The following ZBTB16 variants were observed in gnomAD, a reference collection of about 807,000 sequenced individuals.
ZBTB16 encodes the protein zinc finger and BTB domain containing 16, also known as zinc finger and BTB domain-containing protein 16.
ZBTB16 carries 8 observed loss-of-function variants against 56.8 expected under a neutral mutation model. The ratio of observed to expected loss-of-function variants is 0.14; its 90% CI spans 0.08 to 0.25. The LOEUF is 0.25. ZBTB16 is among the 10% of genes least tolerant of loss of function. The pLI, the probability that ZBTB16 is intolerant of heterozygous loss-of-function variation, is 1.00. For missense variants in ZBTB16, 625 were observed against 903.0 expected (o/e 0.69, Z 3.95); for synonymous variants, 363 against 368.5 (o/e 0.98, Z 0.17).
intron 4 of ZBTB16, among the ~76,000 whole-genome samples, chr11:114,239,093 A>C (rs1427942347): frequency 6.6e-6 from 1 of 152,126 alleles, no homozygotes; most frequent in Non-Finnish European, 1.5e-5. Flanking sequence ...CACCCTGAGA[A>C]GTAGGGACAG....
intron 2 of ZBTB16, among the ~76,000 whole-genome samples, chr11:114,099,727 C>T (rs907171838): frequency 1.3e-5 from 2 of 152,212 alleles, no homozygotes; most frequent in African/African-American, 2.4e-5. Flanking sequence ...AGGTCTTCTT[C>T]ACGTGGCCTT....
chr11:114,112,724 C>T (rs1565631644), intron 2 of ZBTB16, among the ~76,000 whole-genome samples: 1 of 151,678 alleles, frequency 6.6e-6, no homozygotes, highest in East Asian at 1.9e-4. Flanking sequence ...AATGTAGGCT[C>T]CATAAAGCCA....
At chr11:114,232,276 G>C (rs1944454525) in intron 4 of ZBTB16, among the ~76,000 whole-genome samples, 1 of 152,110 alleles carries the variant, frequency 6.6e-6, no homozygotes, top group Non-Finnish European at 1.5e-5. Context: ...TGTAGCTTTT[G>C]GTTTATTTGC....
chr11:114,229,162 C>T (rs900924903), intron 4 of ZBTB16, among the ~76,000 whole-genome samples: 19 of 152,208 alleles, frequency 1.2e-4, no homozygotes, highest in Admixed American at 2.0e-4. Flanking sequence ...TGCGAGTGGC[C>T]TGAAGCCTCT....
At chr11:114,112,760 C>CTTTTTT (rs398017637) in intron 2 of ZBTB16, among the ~76,000 whole-genome samples, 2 of 133,134 alleles carry the variant, frequency 1.5e-5, no homozygotes, top group South Asian at 2.5e-4. Context: ...AGTTCATTTT[C>CTTTTTT]TTTTTTTTTT....
At chr11:114,080,414 G>A (rs901057228) in intron 2 of ZBTB16, among the ~76,000 whole-genome samples, 1 of 152,048 alleles carries the variant, frequency 6.6e-6, no homozygotes, top group Non-Finnish European at 1.5e-5. Context: ...GCCTTGTGCT[G>A]AGCTGCACAT....
At chr11:114,155,100 T>A (rs1379862936) in intron 2 of ZBTB16, among the ~76,000 whole-genome samples, 1 of 152,222 alleles carries the variant, frequency 6.6e-6, no homozygotes, top group East Asian at 1.9e-4. Flanking sequence ...GTACCAGCTC[T>A]CCAGCCTTTT....
intron 2 of ZBTB16, among the ~76,000 whole-genome samples, chr11:114,104,080 G>T (rs1940705849): frequency 6.6e-6 from 1 of 152,176 alleles, no homozygotes; most frequent in Non-Finnish European, 1.5e-5. Context: ...GAAGGGAGTA[G>T]AAACCAAATT....
chr11:114,098,883 T>C (rs1273112866), intron 2 of ZBTB16, among the ~76,000 whole-genome samples: 1 of 152,192 alleles, frequency 6.6e-6, no homozygotes, highest in Non-Finnish European at 1.5e-5. Context: ...AGTTTGGAAA[T>C]GCTAATGATT....
intron 4 of ZBTB16, among the ~76,000 whole-genome samples, chr11:114,213,283 A>G (rs1421680130): frequency 6.6e-6 from 1 of 152,174 alleles, no homozygotes; most frequent in Non-Finnish European, 1.5e-5. Context: ...GCCAAGAGAT[A>G]GGTATTTGTA....
chr11:114,138,265 T>C lies in ZBTB16; in HGVS notation c.1269-18072T>C, dbSNP rs574077907. ...TTTCGAGCTTGGTAGATGTAGAATTTTGCAGTGGAGGCCAGGAGAGGATGT... is the reference window on the plus strand; with the variant it reads ...TTTCGAGCTTGGTAGATGTAGAATTCTGCAGTGGAGGCCAGGAGAGGATGT... On this transcript the variant is annotated intron_variant, in intron 2 of 6. Transcript: ENST00000335953. 3.3e-5 allele frequency among the ~76,000 whole-genome samples: 5 copies of C among 152,228 alleles called. No homozygotes were observed. The East Asian group carries it at 9.7e-4, about 29-fold the overall frequency.
chr11:114,141,295 C>T (rs757148525), intron 2 of ZBTB16, among the ~76,000 whole-genome samples: 2 of 152,246 alleles, frequency 1.3e-5, no homozygotes, highest in Non-Finnish European at 2.9e-5. Flanking sequence ...AAAGGACCAA[C>T]TGAATCTCAC....
intron 4 of ZBTB16, among the ~76,000 whole-genome samples, chr11:114,213,092 T>G (rs1944028245): frequency 6.6e-6 from 1 of 151,942 alleles, no homozygotes; most frequent in Non-Finnish European, 1.5e-5. Context: ...CATCCAGAGC[T>G]GTGACTGGCC....
chr11:114,183,458 T>A (rs1565672969), intron 3 of ZBTB16, among the ~76,000 whole-genome samples: 1 of 152,172 alleles, frequency 6.6e-6, no homozygotes, highest in African/African-American at 2.4e-5. Context: ...TCTCAGTCAT[T>A]AAAGCGAGAA....
Position 114,064,681 on chromosome 11 carries a change from G to T in ZBTB16, c.1268+113G>T. The stretch of plus-strand genomic sequence containing the variant: ...CCTGGCTCCCCTGTCTTGGCAATTT[G>T]TGAAAAAACCAGAACACTTCTTCTA... On this transcript the variant is annotated intron_variant, in intron 2 of 6. Coordinates refer to ENST00000335953, the MANE Select transcript of ZBTB16 (RefSeq NM_006006.6). This position sits in a 1 kb window ranked among gnomAD's most constrained non-coding sequence, Gnocchi z 4.2. 4 of 1,387,196 alleles carry T rather than the reference G, an allele frequency of 2.9e-6. No individual in the cohort carries two copies. The Admixed American group carries it at 8.0e-5, about 28-fold the overall frequency. The allele number at this position is 1,387,196 out of a possible 1,614,324, so 85.9% of individuals were successfully genotyped here.
intron 2 of ZBTB16, among the ~76,000 whole-genome samples, chr11:114,133,755 C>T (rs913375111): frequency 6.6e-5 from 10 of 152,150 alleles, no homozygotes. Context: ...CCTGGTGGCC[C>T]AAGGGCATTG....
At position 114,156,362 on chromosome 11, in the gene ZBTB16, T is replaced by C. The variant is rs1418508445; in HGVS notation, c.1294T>C (p.Tyr432His). 6.2e-7 allele frequency: 1 copy of C among 1,614,136 alleles called. No homozygotes were observed. Among genetic ancestry groups the C allele is most frequent in the African/African-American group, 1.3e-5 (1 of 74,944 alleles). Residue 432 changes from tyrosine (Y) to histidine (H), a missense_variant, in exon 3 of 7, where the codon TAC becomes CAC. By Grantham distance (83) the Tyr-to-His change is moderately conservative. Around this residue, in one of 6 missense-constraint regions of ZBTB16, gnomAD observed 140 missense variants for 214.8 expected, o/e 0.65. Transcript: ENST00000335953. ...HRKLHSGMKT[Y>H]GCELCGKRFL... ...GAAGCTGCACAGTGGGATGAAGACG[T>C]ACGGGTGCGAGCTCTGCGGGAAGCG...
intron 4 of ZBTB16, among the ~76,000 whole-genome samples, chr11:114,238,520 T>G (rs112030034): frequency 2.6e-4 from 40 of 152,138 alleles, no homozygotes; most frequent in African/African-American, 9.2e-4. Context: ...CTCTGGGCCC[T>G]CTTTTACAAG....
At chr11:114,095,240 CTTTTCTTTTTT>C (rs1290913982) in intron 2 of ZBTB16, among the ~76,000 whole-genome samples, 1 of 79,348 alleles carries the variant, frequency 1.3e-5, no homozygotes, top group African/African-American at 6.1e-5. Context: ...CTTTTCTTTT[CTTTTCTTTTTT>C]TTTTTTTTTT....
Sources: allele counts gnomAD v4.1 joint callset (sites outside exome capture counted in the v4.1 genomes callset), GRCh38; gene constraint gnomAD v4.1.1; regional missense constraint gnomAD v4.1.1; non-coding constraint Gnocchi (gnomAD v3.1); transcripts MANE v1.5; gene names NCBI Gene and HGNC (gene_info 2026-07-23, HGNC 2026-07-21).